The following LRRC7 variants were observed in gnomAD, a reference collection of about 807,000 sequenced individuals.
LRRC7 encodes leucine-rich repeat-containing protein 7.
Under a neutral mutation model 175.7 loss-of-function variants are expected in LRRC7, and 23 were observed. The ratio of observed to expected loss-of-function variants is 0.13; its 90% CI spans 0.09 to 0.19. The LOEUF (loss-of-function observed/expected upper bound fraction) is 0.19, where lower values mean the gene tolerates loss of function less well. Among genes scored for constraint, LRRC7 ranks in the 10% least tolerant of loss-of-function variants. LRRC7 has a pLI of 1.00. For missense variants in LRRC7, 1,354 were observed against 1,904.7 expected, an observed-to-expected ratio of 0.71 and a Z score of 5.38; for synonymous variants, 685 against 680.9, an observed-to-expected ratio of 1.01 and a Z score of -0.09.
chr1:69,916,159 T>C (rs1208472862), intron 7 of LRRC7, among the ~76,000 whole-genome samples: 1 of 143,100 alleles, frequency 7.0e-6, no homozygotes, highest in African/African-American at 2.6e-5. Flanking sequence ...ATTATATACA[T>C]ATTTTATATA....
intron 1 of LRRC7, among the ~76,000 whole-genome samples, chr1:69,632,286 C>T (rs1054967090): frequency 1.3e-5 from 2 of 152,154 alleles, no homozygotes; most frequent in Non-Finnish European, 2.9e-5. Flanking sequence ...CCACACTAGA[C>T]TCTGAGCTAT....
At chr1:69,736,005 G>A (rs1385482834) in intron 2 of LRRC7, among the ~76,000 whole-genome samples, 1 of 151,982 alleles carries the variant, frequency 6.6e-6, no homozygotes, top group Non-Finnish European at 1.5e-5. Flanking sequence ...CACTTTGGCT[G>A]GTTAAAATGC....
intron 1 of LRRC7, among the ~76,000 whole-genome samples, chr1:69,640,034 G>A (rs1360005054): frequency 6.6e-6 from 1 of 151,712 alleles, no homozygotes; most frequent in Admixed American, 6.6e-5. Context: ...TACTTGATCT[G>A]AGGGTCTTTG....
At chr1:70,062,657 T>G (rs1306566102) in intron 23 of LRRC7, among the ~76,000 whole-genome samples, 1 of 152,048 alleles carries the variant, frequency 6.6e-6, no homozygotes, top group Non-Finnish European at 1.5e-5. Context: ...ATAAGACCTT[T>G]CAGAGGCAGC....
At chr1:69,928,889 G>A (rs767248570) in intron 7 of LRRC7, among the ~76,000 whole-genome samples, 35 of 152,186 alleles carry the variant, frequency 2.3e-4, no homozygotes, top group African/African-American at 5.8e-4. Context: ...GAAATCACCC[G>A]TCTTCTGCGT....
chr1:69,656,553 A>G (rs529474770), intron 1 of LRRC7, among the ~76,000 whole-genome samples: 56 of 152,086 alleles, frequency 3.7e-4, no homozygotes, highest in Non-Finnish European at 5.9e-4. Context: ...TAACTAACAT[A>G]TTTTGGGGAA....
At chr1:69,905,976 T>G (rs1646294156) in intron 7 of LRRC7, among the ~76,000 whole-genome samples, 1 of 152,246 alleles carries the variant, frequency 6.6e-6, no homozygotes, top group African/African-American at 2.4e-5. Flanking sequence ...GGTATCTCAT[T>G]GTGGTTTTGA....
chr1:69,650,790 G>T (rs188261740), intron 1 of LRRC7, among the ~76,000 whole-genome samples: 2 of 149,454 alleles, frequency 1.3e-5, no homozygotes, highest in African/African-American at 2.5e-5. Context: ...TACTCTGAGT[G>T]CTTCAAAATT....
chr1:69,996,273 G>A (rs574347693), intron 11 of LRRC7, among the ~76,000 whole-genome samples: 17 of 152,210 alleles, frequency 1.1e-4, no homozygotes, highest in South Asian at 8.3e-4. Flanking sequence ...TAGTAAATTC[G>A]TTGGAGTTCA....
chr1:69,926,372 T>C (rs1216709338), intron 7 of LRRC7, among the ~76,000 whole-genome samples: 1 of 132,134 alleles, frequency 7.6e-6, no homozygotes, highest in Admixed American at 8.3e-5. Flanking sequence ...TTGTTAACTT[T>C]CTGTCTCGTT....
In LRRC7 at chr1:70,124,755, TA is replaced by T. The variant is rs71583109; in HGVS notation, c.*2880del. ...AAAAAAAAGTCAAGGGTGTGCCTTT[TA>T]AAAAAAAAAAAGAAAAATCAATAAC... On this transcript the variant is annotated 3_prime_UTR_variant, in exon 27 of 27. Coordinates refer to ENST00000651989, the MANE Select transcript of LRRC7 (RefSeq NM_001370785.2). Among the ~76,000 whole-genome samples, 226 of 145,280 alleles carry T rather than the reference TA, an allele frequency of 1.6e-3. No homozygotes were observed. The highest frequency in any genetic ancestry group is 3.8e-3 in the African/African-American group (148 of 39,426).
intron 1 of LRRC7, among the ~76,000 whole-genome samples, chr1:69,591,643 A>AT (rs1646639806): frequency 6.6e-6 from 1 of 151,976 alleles, no homozygotes; most frequent in African/African-American, 2.4e-5. Flanking sequence ...CAAGATAAAT[A>AT]TTTTTATTTT....
intron 1 of LRRC7, among the ~76,000 whole-genome samples, chr1:69,629,531 C>T (rs570478636): frequency 6.6e-6 from 1 of 152,276 alleles, no homozygotes; most frequent in East Asian, 1.9e-4. Flanking sequence ...CAAGCTCAGT[C>T]ACTTGGTCTA....
chr1:70,117,049 T>C (rs1367707350), intron 26 of LRRC7, among the ~76,000 whole-genome samples: 1 of 152,214 alleles, frequency 6.6e-6, no homozygotes, highest in Non-Finnish European at 1.5e-5. Context: ...GTACTAATAT[T>C]TCTCTAACAT....
At chr1:69,617,126 C>T (rs1285580531) in intron 1 of LRRC7, among the ~76,000 whole-genome samples, 2 of 152,054 alleles carry the variant, frequency 1.3e-5, no homozygotes, top group Non-Finnish European at 2.9e-5. Context: ...CTGAGAATTG[C>T]AGTGGTCAGT....
intron 1 of LRRC7, among the ~76,000 whole-genome samples, chr1:69,654,103 C>T (rs965232259): frequency 1.3e-5 from 2 of 150,972 alleles, no homozygotes; most frequent in African/African-American, 4.9e-5. Context: ...GAATTTAGAT[C>T]TCATGTTATT....
intron 1 of LRRC7, among the ~76,000 whole-genome samples, chr1:69,602,111 GTTACT>G (rs1484979404): frequency 6.6e-6 from 1 of 152,176 alleles, no homozygotes; most frequent in South Asian, 2.1e-4. Context: ...TTGAGACTCA[GTTACT>G]TTTATGTTCA....
intron 7 of LRRC7, among the ~76,000 whole-genome samples, chr1:69,896,289 G>T (rs1181195367): frequency 1.3e-5 from 2 of 151,648 alleles, no homozygotes; most frequent in Non-Finnish European, 2.9e-5. Flanking sequence ...TTTTTCTTTT[G>T]TCTATGCTGG....
chr1:69,634,257 C>T (rs1205480863), intron 1 of LRRC7, among the ~76,000 whole-genome samples: 2 of 151,880 alleles, frequency 1.3e-5, no homozygotes, highest in African/African-American at 2.4e-5. Flanking sequence ...AAGAGTAAAA[C>T]GTGAAAGAGC....
Sources: gnomAD v4.1 joint callset for allele counts (sites outside exome capture counted in the v4.1 genomes callset) on GRCh38, gnomAD v4.1.1 for gene constraint, MANE v1.5 for transcripts, NCBI Gene and HGNC (gene_info 2026-07-23, HGNC 2026-07-21) for gene names.